Variants in PLXNA4 observed in about 807,000 individuals in gnomAD.
PLXNA4 encodes plexin A4.
PLXNA4 carries 44 observed loss-of-function variants against 191.8 expected under a neutral mutation model. The observed-to-expected ratio is 0.23, with a 90% CI of 0.18 to 0.29. The LOEUF (loss-of-function observed/expected upper bound fraction) is 0.29, where lower values mean the gene tolerates loss of function less well. Ranked by LOEUF, PLXNA4 falls within the 10% of genes least tolerant of loss-of-function variation. The probability of loss-of-function intolerance (pLI) is 1.00; values close to 1 mark genes in which losing one functional copy is unlikely to be tolerated. For synonymous variants in PLXNA4, 1,082 were observed against 1,009.5 expected, an observed-to-expected ratio of 1.07 and a Z score of -1.36; for missense variants, 1,800 against 2,488.8, an observed-to-expected ratio of 0.72 and a Z score of 5.89.
At chr7:132,562,086 CCCT>C (rs1225749441) in intron 1 of PLXNA4, among the ~76,000 whole-genome samples, 15 of 94,810 alleles carry the variant, frequency 1.6e-4, no homozygotes, top group African/African-American at 3.8e-4. Flanking sequence ...CTCCTCCTCT[CCCT>C]CCTCCTTTCT....
upstream of PLXNA4, among the ~76,000 whole-genome samples, chr7:132,580,962 C>G (rs1377897817): frequency 6.6e-6 from 1 of 152,194 alleles, no homozygotes; most frequent in Non-Finnish European, 1.5e-5. Flanking sequence ...GCAAGAGGAG[C>G]CTTCCGCAGT....
At chr7:132,463,354 C>T (rs1216033892) in intron 3 of PLXNA4, among the ~76,000 whole-genome samples, 2 of 152,016 alleles carry the variant, frequency 1.3e-5, no homozygotes, top group Non-Finnish European at 1.5e-5. Context: ...CACACTCAGC[C>T]CTCAGTATTC....
At chr7:132,523,117 T>C (rs1799254971) in intron 1 of PLXNA4, among the ~76,000 whole-genome samples, 1 of 152,168 alleles carries the variant, frequency 6.6e-6, no homozygotes, top group African/African-American at 2.4e-5. Context: ...GGAACCTACA[T>C]TCTGGGGGTG....
intron 3 of PLXNA4, among the ~76,000 whole-genome samples, chr7:132,366,309 A>T (rs781257516): frequency 1.3e-5 from 2 of 152,152 alleles, no homozygotes; most frequent in Non-Finnish European, 2.9e-5. Flanking sequence ...GCGGATCACA[A>T]GGTCAGGAGT....
chr7:132,531,644 C>T (rs911882647), intron 1 of PLXNA4, among the ~76,000 whole-genome samples: 6 of 152,182 alleles, frequency 3.9e-5, no homozygotes, highest in East Asian at 1.9e-4. Context: ...GTTTTAGAAC[C>T]GCTGTAATAG....
rs116426375 is a variant in PLXNA4, at chr7:132,197,988, A to G, written c.2738+497T>C. Among the ~76,000 whole-genome samples, 406 of 152,306 alleles carry G rather than the reference A, an allele frequency of 2.7e-3. 1 individual carries two copies. Among genetic ancestry groups the G allele is most frequent in the African/African-American group, 9.0e-3 (375 of 41,560 alleles). On this transcript the variant is annotated intron_variant, in intron 13 of 31. Transcript: ENST00000321063. ...TCCTCTACTAGGTGGGTTACAGGTC[A>G]AGGTCTTTTGCTGAATGACCCATTC...
chr7:132,310,898 C>A (rs904604911), intron 3 of PLXNA4, among the ~76,000 whole-genome samples: 3 of 152,118 alleles, frequency 2.0e-5, no homozygotes, highest in Non-Finnish European at 4.4e-5. Flanking sequence ...TGACAAGGGG[C>A]AGAGGTGCAA....
chr7:132,563,349 T>C (rs1801442475), intron 1 of PLXNA4, among the ~76,000 whole-genome samples: 1 of 73,150 alleles, frequency 1.4e-5, no homozygotes, highest in Non-Finnish European at 2.7e-5. Flanking sequence ...CTCCTCCTCT[T>C]TCTCCTCCTT....
At chr7:132,544,726 T>C (rs1054881261) in intron 1 of PLXNA4, among the ~76,000 whole-genome samples, 7 of 152,230 alleles carry the variant, frequency 4.6e-5, no homozygotes, top group Non-Finnish European at 1.0e-4. Context: ...TTTCTTGGCC[T>C]AGATGTCTGT....
intron 4 of PLXNA4, among the ~76,000 whole-genome samples, chr7:132,263,768 C>A (rs955445459): frequency 3.9e-5 from 6 of 152,146 alleles, no homozygotes; most frequent in Non-Finnish European, 8.8e-5. Flanking sequence ...GTCATTTAAC[C>A]TTTCTCATCT....
chr7:132,203,513 CA>C (rs1797512751), intron 10 of PLXNA4, 94 bp from the exon 11 acceptor site: 2 of 1,117,396 alleles, frequency 1.8e-6, no homozygotes, highest in Non-Finnish European at 2.7e-6. Flanking sequence ...GTTAAGAGCT[CA>C]CAGGCTAAAG....
At position 132,210,981 on chromosome 7, in the gene PLXNA4, G is replaced by A. The variant is rs1284623467; in HGVS notation, c.2260C>T (p.Arg754Cys). 1.9e-6 allele frequency: 3 copies of A among 1,613,212 alleles called. No individual in the cohort carries two copies. The highest frequency in any genetic ancestry group is 2.5e-6 in the Non-Finnish European group (3 of 1,179,988). ...QGSEQRVPALRFNSSSVQCQN... is the reference protein window; with the variant it reads ...QGSEQRVPALCFNSSSVQCQN... Reference sequence around the variant, plus strand: ...CACTGTACGCTGGAGCTGTTGAAGCGCAGGGCGGGCACTCGCTGCTCGCTG... The same window carrying A: ...CACTGTACGCTGGAGCTGTTGAAGCACAGGGCGGGCACTCGCTGCTCGCTG... Residue 754 changes from arginine (R) to cysteine (C), a missense_variant, in exon 10 of 32, where the codon CGC (arginine) becomes TGC (cysteine). Physicochemically the swap from Arg to Cys is radical, Grantham distance 180 (BLOSUM62 -3). This residue lies in a region of PLXNA4 where 1,397 missense variants were observed against 1,880.4 expected (regional missense o/e 0.74). Transcript: ENST00000321063.
rs192981601 is a variant in PLXNA4, at chr7:132,302,244, A to T, written c.1372-4022T>A. On this transcript the variant is annotated intron_variant, in intron 3 of 31. Transcript: ENST00000321063. ...GGAGGAGGGAGCAGGAAAATGTGCA[A>T]ATGATTCTAAACTCTTTGGGACAGC... is the stretch of plus-strand genomic sequence containing the variant. Among the ~76,000 whole-genome samples the T allele has an allele frequency of 2.6e-3, 399 of 152,258 alleles. 2 individuals are homozygous for T. The highest frequency in any genetic ancestry group is 4.3e-3 in the Non-Finnish European group (293 of 68,016).
Position 132,445,165 on chromosome 7 carries a change from A to C in PLXNA4, c.1371+44127T>G, listed in dbSNP as rs956010560. Reference sequence around the variant, plus strand: ...GCAAGACTCCATCTCAGGAAAAAAAAAAAAAAAAAAAAAAAAAAAATTTGT... The same window carrying C: ...GCAAGACTCCATCTCAGGAAAAAAACAAAAAAAAAAAAAAAAAAAATTTGT... On this transcript the variant is annotated intron_variant, in intron 3 of 31. Transcript: ENST00000321063. Among the ~76,000 whole-genome samples the C allele has an allele frequency of 4.3e-4, 64 of 148,824 alleles. 1 individual carries two copies. Among genetic ancestry groups the C allele is most frequent in the African/African-American group, 1.5e-3 (60 of 40,684 alleles).
At chr7:132,485,017 G>A (rs752772688) in intron 3 of PLXNA4, 1 of 1,611,396 alleles carries the variant, frequency 6.2e-7, no homozygotes, top group South Asian at 1.1e-5. Context: ...CGAAGGACTA[G>A]GGAACAAAAG....
rs116860125 is a variant in PLXNA4, at chr7:132,354,354, T to C, written c.1372-56132A>G. On this transcript the variant is annotated intron_variant, in intron 3 of 31. Coordinates refer to ENST00000321063, the MANE Select transcript of PLXNA4 (RefSeq NM_020911.2). Reference sequence around the variant, plus strand: ...GAAACCCACTGGGGTCTAAAATCTTTTTAGGGCTCAGTTTTCTGGAGTTGA... The same window carrying C: ...GAAACCCACTGGGGTCTAAAATCTTCTTAGGGCTCAGTTTTCTGGAGTTGA... Among the ~76,000 whole-genome samples, 1,322 of 152,320 alleles carry C rather than the reference T, an allele frequency of 8.7e-3. 14 individuals are homozygous for C. Among genetic ancestry groups the C allele is most frequent in the Non-Finnish European group, 0.013 (915 of 68,016 alleles).
At chr7:132,466,318 G>A (rs56130060) in intron 3 of PLXNA4, among the ~76,000 whole-genome samples, 2 of 152,314 alleles carry the variant, frequency 1.3e-5, no homozygotes, top group African/African-American at 4.8e-5. Context: ...ATGAGGACCC[G>A]TATGGGCTCT....
At chr7:132,238,737 G>A (rs1798783390) in intron 5 of PLXNA4, among the ~76,000 whole-genome samples, 1 of 152,140 alleles carries the variant, frequency 6.6e-6, no homozygotes, top group Non-Finnish European at 1.5e-5. Context: ...ACAAAGGCTG[G>A]GAACCCCCCA....
chr7:132,401,751 T>C (rs138232103), intron 3 of PLXNA4, among the ~76,000 whole-genome samples: 1 of 152,088 alleles, frequency 6.6e-6, no homozygotes, highest in Admixed American at 6.5e-5. Context: ...GGAGTGAAGA[T>C]GGATAAAACT....
Sources: allele counts gnomAD v4.1 joint callset (sites outside exome capture counted in the v4.1 genomes callset), GRCh38; gene constraint gnomAD v4.1.1; regional missense constraint gnomAD v4.1.1; transcripts MANE v1.5; gene names NCBI Gene and HGNC (gene_info 2026-07-23, HGNC 2026-07-21).